Variants in CEP104 observed in about 807,000 individuals in gnomAD.
CEP104 encodes centrosomal protein of 104 kDa.
CEP104 carries 84 observed loss-of-function variants against 113.3 expected under a neutral mutation model. The ratio of observed to expected loss-of-function variants is 0.74; its 90% CI spans 0.62 to 0.89. CEP104 has a LOEUF of 0.89. Among genes scored for constraint, CEP104 ranks in the 40% least tolerant of loss-of-function variants. The pLI, the probability that CEP104 is intolerant of heterozygous loss-of-function variation, is 0.00. For missense variants in CEP104, 1,053 were observed against 1,156.6 expected, an observed-to-expected ratio of 0.91 and a Z score of 1.30; for synonymous variants, 378 against 421.7, an observed-to-expected ratio of 0.90 and a Z score of 1.27.
intron 2 of CEP104, among the ~76,000 whole-genome samples, chr1:3,850,430 A>C (rs1173891905): frequency 6.6e-6 from 1 of 152,236 alleles, no homozygotes; most frequent in Non-Finnish European, 1.5e-5. Context: ...CGGTTGGTGC[A>C]AACTTTACGG....
rs367595724 is a variant in CEP104 at position 3,815,375 on chromosome 1, C to G, written c.*27G>C. ...ATCAGGAGACCCGCTCCATCCCTCACAGAGACCAAGGAGCCCGAGCGCCGC... is the reference window on the plus strand; with the variant it reads ...ATCAGGAGACCCGCTCCATCCCTCAGAGAGACCAAGGAGCCCGAGCGCCGC... On this transcript the variant is annotated 3_prime_UTR_variant, in exon 22 of 22. Coordinates refer to ENST00000378230, the MANE Select transcript of CEP104 (RefSeq NM_014704.4). 2.7e-5 allele frequency: 42 copies of G among 1,531,646 alleles called. No individual in the cohort carries two copies. Among genetic ancestry groups the G allele is most frequent in the Non-Finnish European group, 3.2e-5 (36 of 1,118,886 alleles). 94.9% of individuals were successfully genotyped at this position (1,531,646 alleles called of 1,614,324 possible).
intron 18 of CEP104, among the ~76,000 whole-genome samples, chr1:3,824,404 T>C (rs1276935982): frequency 6.6e-6 from 1 of 152,126 alleles, no homozygotes; most frequent in Admixed American, 6.5e-5. Context: ...TCTATAGTAA[T>C]GCAAGAAAGG....
intron 1 of CEP104, among the ~76,000 whole-genome samples, chr1:3,856,302 A>T (rs61768936): frequency 2.6e-5 from 4 of 151,990 alleles, no homozygotes; most frequent in African/African-American, 9.7e-5. Context: ...GAATCGCTTG[A>T]ACCCGGGAGG....
At chr1:3,846,562 A>C (rs77270626) in intron 4 of CEP104, among the ~76,000 whole-genome samples, 2 of 152,260 alleles carry the variant, frequency 1.3e-5, no homozygotes, top group African/African-American at 2.4e-5. Context: ...TATTAAAAAA[A>C]CAAAACTCCA....
chr1:3,847,401 G>C, intron 4 of CEP104, 74 bp downstream of exon 4: 1 of 1,373,874 alleles, frequency 7.3e-7, no homozygotes, highest in Non-Finnish European at 9.9e-7. Context: ...ATGCATCTAA[G>C]AAAAGATACG....
At chr1:3,840,873 T>A (rs1189529943) in intron 6 of CEP104, among the ~76,000 whole-genome samples, 1 of 152,212 alleles carries the variant, frequency 6.6e-6, no homozygotes, top group Non-Finnish European at 1.5e-5. Flanking sequence ...CATGATAGGT[T>A]AAGAATTGCT....
At position 3,836,653 on chromosome 1, in the gene CEP104, TAGCTGGAAG is replaced by T. The variant is rs1253498088; in HGVS notation, c.1150_1158del (p.Leu384_Ala386del). Reference sequence around the variant, plus strand: ...ACTGCCTCCCCATAATGCTTACGAATAGCTGGAAGAGGCCGCTCATCGTAGGGCAGGGAC... The same window carrying T: ...ACTGCCTCCCCATAATGCTTACGAATAGGCCGCTCATCGTAGGGCAGGGAC... On this transcript the variant is annotated inframe_deletion, in exon 10 of 22. Coordinates refer to ENST00000378230, the MANE Select transcript of CEP104 (RefSeq NM_014704.4). 1 of 1,613,804 alleles carries T rather than the reference TAGCTGGAAG, an allele frequency of 6.2e-7. No homozygotes were observed. Among genetic ancestry groups the T allele is most frequent in the Non-Finnish European group, 8.5e-7 (1 of 1,179,980 alleles).
At chr1:3,834,101 A>T in intron 11 of CEP104, 66 bp from the exon 12 acceptor site, 1 of 1,272,300 alleles carries the variant, frequency 7.9e-7, no homozygotes, top group Non-Finnish European at 1.1e-6. Context: ...GAAACATGGC[A>T]TTTACTATCA....
At chr1:3,850,991 G>C (rs373873613) in intron 2 of CEP104, among the ~76,000 whole-genome samples, 1 of 152,226 alleles carries the variant, frequency 6.6e-6, no homozygotes, top group Non-Finnish European at 1.5e-5. Context: ...TCCTGCCTGG[G>C]AGAGGCATGA....
intron 20 of CEP104, among the ~76,000 whole-genome samples, chr1:3,817,069 G>A (rs947306594): frequency 4.6e-5 from 7 of 152,224 alleles, no homozygotes; most frequent in African/African-American, 7.2e-5. Flanking sequence ...GGTGGCTCAC[G>A]CCTGTAATCC....
chr1:3,846,451 TTAGA>T (rs1197831052), intron 4 of CEP104, among the ~76,000 whole-genome samples: 1 of 152,182 alleles, frequency 6.6e-6, no homozygotes, highest in Non-Finnish European at 1.5e-5. Context: ...AAGTGCTGCT[TTAGA>T]TAGTTACTGC....
At chr1:3,842,241 G>A (rs557344467) in intron 6 of CEP104, among the ~76,000 whole-genome samples, 3 of 152,232 alleles carry the variant, frequency 2.0e-5, no homozygotes, top group South Asian at 2.1e-4. Flanking sequence ...CACCACGCCC[G>A]GCTAATTTTT....
chr1:3,845,491 T>C (rs1375862653), intron 4 of CEP104, 140 bp from the exon 5 acceptor site: 4 of 618,346 alleles, frequency 6.5e-6, no homozygotes, highest in Non-Finnish European at 1.1e-5. Flanking sequence ...ACTGCAGCCT[T>C]GACCTCCCGG....
chr1:3,851,449 G>C (rs1425360426), intron 2 of CEP104, among the ~76,000 whole-genome samples: 1 of 152,122 alleles, frequency 6.6e-6, no homozygotes, highest in Non-Finnish European at 1.5e-5. Context: ...GGAATAAATA[G>C]TAACTTCTCA....
chr1:3,829,419 T>G, intron 14 of CEP104, 46 bp from the exon 15 acceptor site: 2 of 1,408,038 alleles, frequency 1.4e-6, no homozygotes, highest in South Asian at 1.2e-5. Context: ...GTTAGGGTAA[T>G]CTTAGAAACT....
At chr1:3,824,739 A>T (rs1384993653) in intron 18 of CEP104, among the ~76,000 whole-genome samples, 1 of 152,112 alleles carries the variant, frequency 6.6e-6, no homozygotes, top group Non-Finnish European at 1.5e-5. Context: ...CCTCATCTTC[A>T]CCAGGGACAG....
At chr1:3,824,212 G>T (rs767807240) in intron 18 of CEP104, among the ~76,000 whole-genome samples, 1 of 152,000 alleles carries the variant, frequency 6.6e-6, no homozygotes, top group Non-Finnish European at 1.5e-5. Context: ...TCAGCCTCCC[G>T]TGTAGCTGGG....
At chr1:3,850,361 TAC>T (rs1644587823) in intron 2 of CEP104, among the ~76,000 whole-genome samples, 1 of 152,196 alleles carries the variant, frequency 6.6e-6, no homozygotes, top group African/African-American at 2.4e-5. Context: ...AATTGACAGA[TAC>T]AGATTTTTTA....
At chr1:3,821,893 G>A (rs758760660) in intron 20 of CEP104, among the ~76,000 whole-genome samples, 4 of 152,212 alleles carry the variant, frequency 2.6e-5, no homozygotes, top group African/African-American at 9.6e-5. Flanking sequence ...ACCAGGCACC[G>A]GGGCCTTCTA....
Sources: allele counts gnomAD v4.1 joint callset (sites outside exome capture counted in the v4.1 genomes callset), GRCh38; gene constraint gnomAD v4.1.1; transcripts MANE v1.5; gene names NCBI Gene and HGNC (gene_info 2026-07-23, HGNC 2026-07-21).